Variants in LHFPL3 observed in about 807,000 individuals in gnomAD.
The protein encoded by LHFPL3 is LHFPL tetraspan subfamily member 3.
Under a neutral mutation model 19.3 loss-of-function variants are expected in LHFPL3, and 5 were observed. The observed-to-expected ratio is 0.26, with a 90% confidence interval of 0.14 to 0.54. LHFPL3 has a LOEUF of 0.54. LHFPL3 is among the 20% of genes least tolerant of loss of function. The pLI, the probability that LHFPL3 is intolerant of heterozygous loss-of-function variation, is 0.94. For missense variants in LHFPL3, 249 were observed against 307.4 expected (o/e 0.81, Z 1.42); for synonymous variants, 133 against 126.2 (o/e 1.05, Z -0.36).
intron 2 of LHFPL3, among the ~76,000 whole-genome samples, chr7:104,893,676 G>A (rs1437684652): frequency 6.6e-6 from 1 of 152,172 alleles, no homozygotes; most frequent in African/African-American, 2.4e-5. Context: ...ACTGGGCTCA[G>A]TGCAGTGGCT....
At chr7:104,649,078 G>A (rs1489959268) in intron 1 of LHFPL3, among the ~76,000 whole-genome samples, 2 of 152,188 alleles carry the variant, frequency 1.3e-5, no homozygotes, top group African/African-American at 4.8e-5. Context: ...CTGCTGCTCA[G>A]CTAACATCAT....
intron 2 of LHFPL3, among the ~76,000 whole-genome samples, chr7:104,866,424 T>A (rs1383113520): frequency 6.6e-6 from 1 of 152,108 alleles, no homozygotes; most frequent in Non-Finnish European, 1.5e-5. Flanking sequence ...GGGGTTGCAA[T>A]CCTAATCTCT....
intron 2 of LHFPL3, among the ~76,000 whole-genome samples, chr7:104,900,852 G>T (rs930179399): frequency 6.6e-5 from 10 of 152,228 alleles, no homozygotes; most frequent in Non-Finnish European, 1.3e-4. Context: ...CCCATGACAT[G>T]TTACAAGGAC....
chr7:104,652,855 A>C (rs1792056609), intron 1 of LHFPL3, among the ~76,000 whole-genome samples: 1 of 152,206 alleles, frequency 6.6e-6, no homozygotes, highest in African/African-American at 2.4e-5. Flanking sequence ...GCATTTTAAA[A>C]AGAGAAGAAA....
chr7:104,374,251 TA>T (rs1393789649), intron 1 of LHFPL3, among the ~76,000 whole-genome samples: 15 of 151,942 alleles, frequency 9.9e-5, no homozygotes, highest in South Asian at 6.3e-4. Flanking sequence ...TATACATATA[TA>T]TTTTTTTTAA....
At chr7:104,351,304 T>G (rs1054557126) in intron 1 of LHFPL3, among the ~76,000 whole-genome samples, 11 of 152,214 alleles carry the variant, frequency 7.2e-5, no homozygotes, top group Non-Finnish European at 5.9e-5. Flanking sequence ...CTTTCTTCCC[T>G]GGTTCTATTA....
intron 1 of LHFPL3, among the ~76,000 whole-genome samples, chr7:104,596,722 G>A (rs16869972): frequency 0.13 from 20,463 of 152,192 alleles, 1,445 homozygotes; most frequent in Non-Finnish European, 0.14. Flanking sequence ...TTCAGATACC[G>A]TGTAATACAA....
chr7:104,450,123 G>A (rs1473478325), intron 1 of LHFPL3, among the ~76,000 whole-genome samples: 1 of 152,134 alleles, frequency 6.6e-6, no homozygotes, highest in East Asian at 1.9e-4. Context: ...GTGGTCTTGT[G>A]AGTTTTCCTG....
chr7:104,648,095 T>C (rs1791963729), intron 1 of LHFPL3, among the ~76,000 whole-genome samples: 1 of 152,248 alleles, frequency 6.6e-6, no homozygotes, highest in African/African-American at 2.4e-5. Context: ...TGTTCTCAGC[T>C]TCTTTACTGA....
At chr7:104,866,255 G>C (rs1791719711) in intron 2 of LHFPL3, among the ~76,000 whole-genome samples, 1 of 152,156 alleles carries the variant, frequency 6.6e-6, no homozygotes, top group South Asian at 2.1e-4. Context: ...TGGGCTAAAT[G>C]CTCCAATTAA....
chr7:104,476,550 T>G (rs1793021906), intron 1 of LHFPL3, among the ~76,000 whole-genome samples: 1 of 152,046 alleles, frequency 6.6e-6, no homozygotes. Context: ...AACCTCCGCC[T>G]CCTGGGTTCA....
chr7:104,556,342 A>G (rs562017958), intron 1 of LHFPL3, among the ~76,000 whole-genome samples: 94 of 152,244 alleles, frequency 6.2e-4, no homozygotes, highest in Non-Finnish European at 1.2e-3. Context: ...GTGTTTCCAT[A>G]TATCCTCTGA....
chr7:104,420,070 G>T (rs1791696010), intron 1 of LHFPL3, among the ~76,000 whole-genome samples: 1 of 152,192 alleles, frequency 6.6e-6, no homozygotes, highest in African/African-American at 2.4e-5. Context: ...AAGAGTTCCA[G>T]GGGGCCAGAA....
chr7:104,597,566 G>C (rs923382514), intron 1 of LHFPL3, among the ~76,000 whole-genome samples: 1 of 152,130 alleles, frequency 6.6e-6, no homozygotes, highest in Admixed American at 6.5e-5. Flanking sequence ...TGACATGGTG[G>C]GGGGAGGGGA....
rs1490540409 is a variant in LHFPL3 at position 104,661,231 on chromosome 7, C to A, written c.446-75444C>A. ...TGAATATATGGATGTAAACTACACACAGAAACCTCGTTGATCTTCAGAAGT... is the reference window on the plus strand; with the variant it reads ...TGAATATATGGATGTAAACTACACAAAGAAACCTCGTTGATCTTCAGAAGT... On this transcript the variant is annotated intron_variant, in intron 1 of 2. Coordinates refer to ENST00000424859, the MANE Select transcript of LHFPL3 (RefSeq NM_199000.3). 2.7e-4 allele frequency among the ~76,000 whole-genome samples: 41 copies of A among 152,178 alleles called. 1 individual carries two copies. Among genetic ancestry groups the A allele is most frequent in the Non-Finnish European group, 1.5e-5 (1 of 68,036 alleles).
At chr7:104,693,913 G>A (rs560171668) in intron 1 of LHFPL3, among the ~76,000 whole-genome samples, 5 of 152,050 alleles carry the variant, frequency 3.3e-5, no homozygotes, top group South Asian at 2.1e-4. Flanking sequence ...TTACAGGCGC[G>A]AGCCACTGCA....
At chr7:104,676,154 A>C (rs1286276415) in intron 1 of LHFPL3, among the ~76,000 whole-genome samples, 1 of 152,222 alleles carries the variant, frequency 6.6e-6, no homozygotes, top group Non-Finnish European at 1.5e-5. Context: ...TTTTTGCTTC[A>C]TGATTTGCTC....
intron 1 of LHFPL3, among the ~76,000 whole-genome samples, chr7:104,531,686 A>G (rs939707090): frequency 6.6e-6 from 1 of 152,194 alleles, no homozygotes; most frequent in Non-Finnish European, 1.5e-5. Context: ...AATCACTTAT[A>G]TAGTGAGTAT....
At chr7:104,822,840 TA>T (rs977090968) in intron 2 of LHFPL3, among the ~76,000 whole-genome samples, 2 of 151,594 alleles carry the variant, frequency 1.3e-5, no homozygotes, top group South Asian at 2.1e-4. Flanking sequence ...AAGACAGTGT[TA>T]AAAAAAAGGG....
Sources: gnomAD v4.1 joint callset for allele counts (sites outside exome capture counted in the v4.1 genomes callset) on GRCh38, gnomAD v4.1.1 for gene constraint, MANE v1.5 for transcripts, NCBI Gene and HGNC (gene_info 2026-07-23, HGNC 2026-07-21) for gene names.